Variants in LHPP observed in about 807,000 individuals in gnomAD.
LHPP encodes the protein phospholysine phosphohistidine inorganic pyrophosphate phosphatase.
A neutral mutation model predicts 30.3 loss-of-function variants in LHPP; 24 were observed. That is an observed-to-expected ratio of 0.79 (90% CI 0.57 to 1.11). LHPP has a LOEUF of 1.11. Ranked by LOEUF, LHPP falls within the 50% of genes most tolerant of loss-of-function variation. LHPP has a pLI of 0.00. For synonymous variants in LHPP, 150 were observed against 157.1 expected (o/e 0.95, Z 0.34); for missense variants, 356 against 367.2 (o/e 0.97, Z 0.25).
intron 6 of LHPP, among the ~76,000 whole-genome samples, chr10:124,591,853 G>T (rs1235287168): frequency 2.0e-5 from 3 of 151,278 alleles, no homozygotes; most frequent in East Asian, 3.9e-4. Flanking sequence ...TCTGATCTTG[G>T]GTCTCTGACA....
chr10:124,530,055 G>C (rs139547168), intron 6 of LHPP, among the ~76,000 whole-genome samples: 163 of 152,170 alleles, frequency 1.1e-3, no homozygotes, highest in African/African-American at 3.8e-3. Flanking sequence ...GTCCAAGCCC[G>C]TCTGCCCTGC....
intron 1 of LHPP, among the ~76,000 whole-genome samples, chr10:124,462,568 C>G (rs12769465): frequency 5.9e-5 from 9 of 152,186 alleles, no homozygotes; most frequent in Non-Finnish European, 1.2e-4. Flanking sequence ...GTACTCTAGC[C>G]TGGACTGCAG....
intron 6 of LHPP, among the ~76,000 whole-genome samples, chr10:124,520,255 C>G (rs1954577070): frequency 6.6e-6 from 1 of 151,488 alleles, no homozygotes; most frequent in South Asian, 2.1e-4. Flanking sequence ...AAACCTAGTA[C>G]CCATTAGTTA....
intron 1 of LHPP, among the ~76,000 whole-genome samples, chr10:124,469,831 A>G (rs1952675181): frequency 6.6e-6 from 1 of 152,084 alleles, no homozygotes; most frequent in African/African-American, 2.4e-5. Flanking sequence ...AGCATCTGAG[A>G]CACGCAGTGA....
At chr10:124,484,095 A>G (rs769057744) in intron 1 of LHPP, 44 bp from the exon 2 acceptor site, 2 of 1,591,490 alleles carry the variant, frequency 1.3e-6, no homozygotes, top group Non-Finnish European at 1.7e-6. Flanking sequence ...GAGGCCCAAC[A>G]CTCCACGTGC....
chr10:124,500,559 G>A (rs11245238), intron 5 of LHPP, among the ~76,000 whole-genome samples: 2,826 of 151,822 alleles, frequency 0.019, 95 homozygotes, highest in East Asian at 0.11. Context: ...ATCCTTTCAT[G>A]TTGTAGCATG....
intron 6 of LHPP, among the ~76,000 whole-genome samples, chr10:124,602,598 G>A (rs907744222): frequency 1.8e-5 from 2 of 109,104 alleles, no homozygotes; most frequent in Admixed American, 8.7e-5. Flanking sequence ...GACTGGCTCA[G>A]TGAGTGCCTC....
At chr10:124,585,091 T>G (rs35716728) in intron 6 of LHPP, among the ~76,000 whole-genome samples, 24,193 of 152,100 alleles carry the variant, frequency 0.16, 2,178 homozygotes, top group Non-Finnish European at 0.2. Flanking sequence ...AAAATATATA[T>G]AGAGAGAAAT....
chr10:124,489,263 G>T (rs1451942004), intron 3 of LHPP, among the ~76,000 whole-genome samples: 1 of 152,196 alleles, frequency 6.6e-6, no homozygotes, highest in African/African-American at 2.4e-5. Context: ...CCCTATTTTG[G>T]TGTATGTCCT....
chr10:124,578,964 G>T (rs74160940), intron 6 of LHPP, among the ~76,000 whole-genome samples: 4 of 26,306 alleles, frequency 1.5e-4, no homozygotes, highest in Admixed American at 6.5e-4. Context: ...TAGCACGGAC[G>T]GGGGGGTCCG....
chr10:124,498,928 C>T (rs1589797797), intron 5 of LHPP, among the ~76,000 whole-genome samples: 3 of 149,644 alleles, frequency 2.0e-5, no homozygotes, highest in Admixed American at 2.0e-4. Flanking sequence ...GTCACCCAGG[C>T]TGGAGTGCAG....
At chr10:124,554,657 G>A (rs1436583961) in intron 6 of LHPP, among the ~76,000 whole-genome samples, 1 of 152,210 alleles carries the variant, frequency 6.6e-6, no homozygotes, top group Non-Finnish European at 1.5e-5. Context: ...GGGCCCAGGT[G>A]GGAGGGGCCA....
intron 1 of LHPP, among the ~76,000 whole-genome samples, chr10:124,471,751 G>GTA (rs1209965780): frequency 3.9e-5 from 4 of 102,018 alleles, no homozygotes; most frequent in East Asian, 5.2e-4. Context: ...ATATATATTT[G>GTA]TATATATATA....
At chr10:124,463,641 G>A (rs1199026567) in intron 1 of LHPP, among the ~76,000 whole-genome samples, 7 of 152,030 alleles carry the variant, frequency 4.6e-5, no homozygotes, top group Non-Finnish European at 7.4e-5. Flanking sequence ...GGGATTACAG[G>A]CGTGAGCCAC....
chr10:124,487,008 G>A (rs769341399), intron 2 of LHPP, among the ~76,000 whole-genome samples: 6 of 152,204 alleles, frequency 3.9e-5, no homozygotes, highest in Non-Finnish European at 8.8e-5. Flanking sequence ...TTTGTGTAAG[G>A]CTTCTTTTAC....
At chr10:124,534,133 G>A (rs1171692210) in intron 6 of LHPP, among the ~76,000 whole-genome samples, 1 of 152,230 alleles carries the variant, frequency 6.6e-6, no homozygotes, top group Non-Finnish European at 1.5e-5. Context: ...GAGGCCCTAG[G>A]CGTGATAAGT....
intron 6 of LHPP, among the ~76,000 whole-genome samples, chr10:124,539,608 C>T (rs1955125306): frequency 6.6e-6 from 1 of 152,190 alleles, no homozygotes; most frequent in African/African-American, 2.4e-5. Context: ...TGGTGGCTCA[C>T]GCCTGTAATC....
chr10:124,524,257 T>G (rs1340284380), intron 6 of LHPP, among the ~76,000 whole-genome samples: 3 of 151,356 alleles, frequency 2.0e-5, no homozygotes, highest in Non-Finnish European at 4.4e-5. Flanking sequence ...TATGTCATAC[T>G]TTCTTTCTTT....
At chr10:124,608,876 GC>G (rs796098126) in intron 6 of LHPP, among the ~76,000 whole-genome samples, 49 of 152,318 alleles carry the variant, frequency 3.2e-4, no homozygotes, top group African/African-American at 1.1e-3. Context: ...CTGTACCAGG[GC>G]AGGGTGTGTC....
Sources: gnomAD v4.1 joint callset for allele counts (sites outside exome capture counted in the v4.1 genomes callset) on GRCh38, gnomAD v4.1.1 for gene constraint, MANE v1.5 for transcripts, NCBI Gene and HGNC (gene_info 2026-07-23, HGNC 2026-07-21) for gene names.